EYS: variants seen among roughly 807,000 people sequenced by gnomAD.
The protein encoded by EYS is protein eyes shut homolog.
In EYS, 250 loss-of-function variants were observed where a neutral mutation model predicts 282.1. The ratio of observed to expected loss-of-function variants is 0.89; its 90% confidence interval spans 0.80 to 0.98. The LOEUF is 0.98. Ranked by LOEUF, EYS falls within the 50% of genes least tolerant of loss-of-function variation. EYS has a pLI of 0.00. For synonymous variants in EYS, 1,355 were observed against 1,282.9 expected, an observed-to-expected ratio of 1.06 and a Z score of -1.20; for missense variants, 4,016 against 3,709.0, an observed-to-expected ratio of 1.08 and a Z score of -2.15.
intron 36 of EYS, among the ~76,000 whole-genome samples, chr6:63,854,815 T>G (rs1454594091): frequency 1.3e-5 from 2 of 152,216 alleles, no homozygotes; most frequent in Non-Finnish European, 2.9e-5. Context: ...AAATTATGTT[T>G]GGAAGATAAT....
intron 22 of EYS, among the ~76,000 whole-genome samples, chr6:64,695,587 C>CTT (rs70999162): frequency 0.26 from 37,567 of 141,764 alleles, 6,209 homozygotes; most frequent in Non-Finnish European, 0.34. Flanking sequence ...TTTCTTTTAA[C>CTT]TTTTTTTTTT....
At chr6:64,729,042 C>T (rs1442740462) in intron 22 of EYS, 1 of 152,694 alleles carries the variant, frequency 6.5e-6, no homozygotes, top group African/African-American at 2.4e-5. Context: ...CTCTTCTCTG[C>T]TCTCTGCTGA....
intron 30 of EYS, among the ~76,000 whole-genome samples, chr6:64,278,325 A>C (rs538926866): frequency 1.9e-4 from 29 of 152,286 alleles, no homozygotes; most frequent in African/African-American, 6.7e-4. Context: ...ATATATTAAT[A>C]ATATGTTTTC....
intron 1 of EYS, among the ~76,000 whole-genome samples, chr6:65,648,968 T>C (rs1037744511): frequency 6.6e-6 from 1 of 151,526 alleles, no homozygotes; most frequent in South Asian, 2.1e-4. Context: ...AACATGCTGA[T>C]ACCCCATCTC....
intron 26 of EYS, among the ~76,000 whole-genome samples, chr6:64,497,471 GCA>G (rs1258416797): frequency 6.6e-6 from 1 of 152,112 alleles, no homozygotes; most frequent in African/African-American, 2.4e-5. Context: ...AAGCAGATGG[GCA>G]CAGTGTGATT....
At chr6:64,786,099 A>G (rs1237968972) in intron 22 of EYS, among the ~76,000 whole-genome samples, 2 of 152,184 alleles carry the variant, frequency 1.3e-5, no homozygotes, top group Non-Finnish European at 2.9e-5. Flanking sequence ...AAATTCTAGC[A>G]GAATATAACT....
chr6:64,744,586 A>G (rs1772491417), intron 22 of EYS, among the ~76,000 whole-genome samples: 1 of 152,188 alleles, frequency 6.6e-6, no homozygotes, highest in South Asian at 2.1e-4. Context: ...TATTAACAAA[A>G]TTAGTTATTA....
At position 65,296,255 on chromosome 6, in the gene EYS, A is replaced by C. The variant is rs9342465; in HGVS notation, c.1767-136T>G. 0.57 allele frequency: 538,333 copies of C among 946,106 alleles called. 160,325 individuals carry two copies. Among genetic ancestry groups the C allele is most frequent in the East Asian group, 0.91 (31,503 of 34,786 alleles). 58.6% of individuals were successfully genotyped at this position (946,106 alleles called of 1,614,324 possible). A position where few individuals can be genotyped will look rare whatever the true frequency, so the allele number is the denominator to read the frequency against. On this transcript the variant is annotated intron_variant, in intron 11 of 42. Coordinates refer to ENST00000503581, the MANE Select transcript of EYS (RefSeq NM_001142800.2). ...GATAGTTGTGGGGTGCATTTAAAAA[A>C]TATTTTCATAAAGTGTCCATTCTTG...
intron 22 of EYS, among the ~76,000 whole-genome samples, chr6:64,754,726 A>G (rs1244149994): frequency 6.6e-6 from 1 of 152,120 alleles, no homozygotes; most frequent in Non-Finnish European, 1.5e-5. Flanking sequence ...TTTGATAAAA[A>G]GCATCTGATG....
chr6:65,667,628 T>C (rs1768245404), intron 1 of EYS, among the ~76,000 whole-genome samples: 1 of 151,882 alleles, frequency 6.6e-6, no homozygotes, highest in Admixed American at 6.6e-5. Context: ...GTCACATTAC[T>C]CTTGTAGCAT....
chr6:65,433,077 A>T (rs1303156601), intron 5 of EYS, among the ~76,000 whole-genome samples: 1 of 152,164 alleles, frequency 6.6e-6, no homozygotes, highest in Admixed American at 6.5e-5. Flanking sequence ...AGGTACCATT[A>T]AGGAAACACA....
At chr6:63,783,395 A>C (rs1770285566) in intron 39 of EYS, among the ~76,000 whole-genome samples, 1 of 152,194 alleles carries the variant, frequency 6.6e-6, no homozygotes, top group Non-Finnish European at 1.5e-5. Context: ...GCCAGAACTC[A>C]GGCACATGGT....
At chr6:65,034,884 C>T (rs908879612) in intron 13 of EYS, among the ~76,000 whole-genome samples, 1 of 152,094 alleles carries the variant, frequency 6.6e-6, no homozygotes, top group African/African-American at 2.4e-5. Flanking sequence ...TATTCCTTTA[C>T]CGATACCTCA....
intron 9 of EYS, among the ~76,000 whole-genome samples, chr6:65,348,225 C>T (rs947994214): frequency 2.0e-5 from 3 of 151,572 alleles, no homozygotes; most frequent in Non-Finnish European, 4.4e-5. Flanking sequence ...ATATACTTAT[C>T]CCCTTTCATT....
At chr6:63,766,191 A>G (rs1049450601) in intron 40 of EYS, among the ~76,000 whole-genome samples, 1 of 152,018 alleles carries the variant, frequency 6.6e-6, no homozygotes, top group African/African-American at 2.4e-5. Flanking sequence ...GAACTCTGCC[A>G]TTGTTGAAAG....
chr6:64,944,174 G>A (rs1322685085), intron 15 of EYS, among the ~76,000 whole-genome samples: 1 of 152,006 alleles, frequency 6.6e-6, no homozygotes, highest in Non-Finnish European at 1.5e-5. Context: ...ATATGCAGAG[G>A]ACTGAAACTG....
intron 26 of EYS, among the ~76,000 whole-genome samples, chr6:64,522,497 G>A (rs16895439): frequency 0.052 from 7,835 of 151,714 alleles, 682 homozygotes; most frequent in African/African-American, 0.18. Context: ...GGAATCCTAG[G>A]TGGTGTTCGA....
intron 36 of EYS, among the ~76,000 whole-genome samples, chr6:63,851,886 A>G (rs56148720): frequency 0.12 from 18,668 of 152,020 alleles, 1,396 homozygotes; most frequent in African/African-American, 0.2. Flanking sequence ...GGCCGGGCGC[A>G]GTGGCTCATG....
At chr6:63,940,610 T>C (rs1765204920) in intron 35 of EYS, among the ~76,000 whole-genome samples, 1 of 152,092 alleles carries the variant, frequency 6.6e-6, no homozygotes, top group Non-Finnish European at 1.5e-5. Context: ...TAGCTTCTTC[T>C]GATGAGTTCG....
Sources: gnomAD v4.1 joint callset for allele counts (sites outside exome capture counted in the v4.1 genomes callset) on GRCh38, gnomAD v4.1.1 for gene constraint, MANE v1.5 for transcripts, NCBI Gene and HGNC (gene_info 2026-07-23, HGNC 2026-07-21) for gene names.